ZBTB20: variants seen among roughly 807,000 people sequenced by gnomAD.
The protein encoded by ZBTB20 is zinc finger and BTB domain containing 20, also known as zinc finger and BTB domain-containing protein 20.
In ZBTB20, 9 loss-of-function variants were observed where a neutral mutation model predicts 56.9. The observed-to-expected ratio is 0.16, with a 90% CI of 0.10 to 0.28. The LOEUF (loss-of-function observed/expected upper bound fraction) is 0.28, where lower values mean the gene tolerates loss of function less well. ZBTB20 is among the 10% of genes least tolerant of loss of function. ZBTB20 has a pLI of 1.00. For missense variants in ZBTB20, 655 were observed against 1,003.0 expected, an observed-to-expected ratio of 0.65 and a Z score of 4.69; for synonymous variants, 417 against 420.7, an observed-to-expected ratio of 0.99 and a Z score of 0.11.
At chr3:114,880,319 T>C (rs999489350) in intron 4 of ZBTB20, among the ~76,000 whole-genome samples, 1 of 152,116 alleles carries the variant, frequency 6.6e-6, no homozygotes, top group Non-Finnish European at 1.5e-5. Context: ...TGAGGCTGCC[T>C]GCAACATCTC....
At chr3:114,492,743 A>G (rs1343239940) in intron 7 of ZBTB20, among the ~76,000 whole-genome samples, 3 of 152,224 alleles carry the variant, frequency 2.0e-5, no homozygotes, top group African/African-American at 7.2e-5. Flanking sequence ...GTTGTAAGAG[A>G]TAATACAGAG....
chr3:114,921,108 G>T (rs2075942101), intron 3 of ZBTB20, among the ~76,000 whole-genome samples: 1 of 152,012 alleles, frequency 6.6e-6, no homozygotes, highest in Non-Finnish European at 1.5e-5. Context: ...TCCCATCAAA[G>T]AAAAGCCCAG....
rs2078232162 is a variant in ZBTB20 at position 114,979,204 on chromosome 3, G to T, written c.-506-4788C>A. ...GGAATGTAGAAAACTTAAGTTGGAGGTTACATTTATACTGTGAACATACTT... is the reference window on the plus strand; with the variant it reads ...GGAATGTAGAAAACTTAAGTTGGAGTTTACATTTATACTGTGAACATACTT... On this transcript the variant is annotated intron_variant, in intron 2 of 11. Coordinates refer to ENST00000675478, the MANE Select transcript of ZBTB20 (RefSeq NM_001348800.3). 2.0e-5 allele frequency among the ~76,000 whole-genome samples: 3 copies of T among 151,908 alleles called. No individual in the cohort carries two copies. In the South Asian group the frequency reaches 6.2e-4, roughly 32 times the overall value.
chr3:114,680,359 A>G (rs76965192), intron 6 of ZBTB20, among the ~76,000 whole-genome samples: 8,721 of 152,304 alleles, frequency 0.057, 339 homozygotes, highest in Middle Eastern at 0.14. Flanking sequence ...ATTCTTCTAT[A>G]ACAGTATCTA....
At chr3:114,565,026 G>T (rs2052551035) in intron 6 of ZBTB20, among the ~76,000 whole-genome samples, 1 of 152,018 alleles carries the variant, frequency 6.6e-6, no homozygotes, top group Non-Finnish European at 1.5e-5. Flanking sequence ...AAACATTTAA[G>T]CCTCATCAGC....
rs370449555 is a variant in ZBTB20, at chr3:115,077,192, G to GA, written c.-702-5779dup. ...AACTCCTATAATTTAAGAGCAAAAAGAAAAAAAAAACTAATAATCCAACTT... is the reference window on the plus strand; with the variant it reads ...AACTCCTATAATTTAAGAGCAAAAAGAAAAAAAAAAACTAATAATCCAACTT... On this transcript the variant is annotated intron_variant, in intron 1 of 11. Coordinates refer to ENST00000675478, the MANE Select transcript of ZBTB20 (RefSeq NM_001348800.3). Among the ~76,000 whole-genome samples the GA allele has an allele frequency of 5.3e-3, 790 of 147,738 alleles. 7 individuals carry two copies. Among genetic ancestry groups the GA allele is most frequent in the African/African-American group, 0.018 (715 of 40,502 alleles).
At chr3:114,524,136 A>G (rs2046955435) in intron 6 of ZBTB20, among the ~76,000 whole-genome samples, 1 of 152,192 alleles carries the variant, frequency 6.6e-6, no homozygotes, top group South Asian at 2.1e-4. Context: ...ACGCTATATA[A>G]TGAAGTGAGC....
chr3:114,364,854 T>C (rs961850148), intron 10 of ZBTB20, among the ~76,000 whole-genome samples: 3 of 152,170 alleles, frequency 2.0e-5, no homozygotes, highest in Non-Finnish European at 4.4e-5. Flanking sequence ...GCCCTCCTGA[T>C]TGTATTTTAC....
At chr3:115,020,910 T>A (rs1378317138) in intron 2 of ZBTB20, among the ~76,000 whole-genome samples, 1 of 150,996 alleles carries the variant, frequency 6.6e-6, no homozygotes, top group African/African-American at 2.4e-5. Context: ...AATACCACTA[T>A]GAGGCAGAAC....
At chr3:115,121,191 T>C (rs2084172429) in intron 1 of ZBTB20, among the ~76,000 whole-genome samples, 2 of 152,056 alleles carry the variant, frequency 1.3e-5, no homozygotes, top group South Asian at 4.1e-4. Flanking sequence ...GGGCAATAAA[T>C]TCATCTGTTC....
intron 2 of ZBTB20, among the ~76,000 whole-genome samples, chr3:114,976,492 G>C (rs1017830950): frequency 6.6e-6 from 1 of 152,044 alleles, no homozygotes; most frequent in Non-Finnish European, 1.5e-5. Flanking sequence ...CGGGCGTGGT[G>C]GCGGGCACCT....
intron 1 of ZBTB20, among the ~76,000 whole-genome samples, chr3:115,136,835 T>C (rs1021410593): frequency 3.2e-4 from 49 of 152,032 alleles, no homozygotes; most frequent in African/African-American, 1.2e-3. Context: ...TTGCTCTCAA[T>C]CCCTTTCTAA....
intron 6 of ZBTB20, among the ~76,000 whole-genome samples, chr3:114,630,841 T>C (rs531750283): frequency 6.6e-6 from 1 of 152,312 alleles, no homozygotes; most frequent in South Asian, 2.1e-4. Flanking sequence ...AGGTAATACA[T>C]TGGTAACTGG....
chr3:114,706,532 A>AT (rs2063728252), intron 5 of ZBTB20, among the ~76,000 whole-genome samples: 1 of 152,248 alleles, frequency 6.6e-6, no homozygotes, highest in South Asian at 2.1e-4. Context: ...ACTTTTTGTG[A>AT]TTGCTGGCAC....
intron 6 of ZBTB20, among the ~76,000 whole-genome samples, chr3:114,539,109 C>T (rs2669897): frequency 0.11 from 16,235 of 152,118 alleles, 2,317 homozygotes; most frequent in African/African-American, 0.33. Flanking sequence ...ATCCTGTCAT[C>T]TTTAGTGTAT....
rs1002930917 is a variant in ZBTB20, at chr3:114,515,608, C to A, written c.-294-15217G>T. Reference sequence around the variant, plus strand: ...AACTGGTTATAACCCATCCCCTACCCTTCACTCTCAGCTAGTAACCTTGCC... The same window carrying A: ...AACTGGTTATAACCCATCCCCTACCATTCACTCTCAGCTAGTAACCTTGCC... On this transcript the variant is annotated intron_variant, in intron 6 of 11. Coordinates refer to ENST00000675478, the MANE Select transcript of ZBTB20 (RefSeq NM_001348800.3). Among the ~76,000 whole-genome samples, 4 of 152,184 alleles carry A rather than the reference C, an allele frequency of 2.6e-5. No homozygotes were observed. In the East Asian group the frequency reaches 7.7e-4, roughly 29 times the overall value.
intron 5 of ZBTB20, among the ~76,000 whole-genome samples, chr3:114,698,540 A>G (rs750520750): frequency 6.6e-6 from 1 of 152,102 alleles, no homozygotes; most frequent in Non-Finnish European, 1.5e-5. Context: ...TGCTAGGTAC[A>G]GGTCCTTCCT....
intron 5 of ZBTB20, among the ~76,000 whole-genome samples, chr3:114,715,255 T>C (rs2064386670): frequency 6.6e-6 from 1 of 152,220 alleles, no homozygotes; most frequent in Non-Finnish European, 1.5e-5. Context: ...GGCCATTTCC[T>C]GTAGCACATT....
At chr3:114,429,660 C>T (rs543438015) in intron 7 of ZBTB20, among the ~76,000 whole-genome samples, 3 of 151,966 alleles carry the variant, frequency 2.0e-5, no homozygotes, top group African/African-American at 7.2e-5. Context: ...TCTGGCCCTC[C>T]GTATCCATGG....
Sources: allele counts gnomAD v4.1 joint callset (sites outside exome capture counted in the v4.1 genomes callset), GRCh38; gene constraint gnomAD v4.1.1; transcripts MANE v1.5; gene names NCBI Gene and HGNC (gene_info 2026-07-23, HGNC 2026-07-21).